The following TM2D3 variants were observed in gnomAD, a reference collection of about 807,000 sequenced individuals.
TM2D3 encodes TM2 domain-containing protein 3.
TM2D3 carries 33 observed loss-of-function variants against 27.3 expected under a neutral mutation model. That is an observed-to-expected ratio of 1.21 (90% CI 0.92 to 1.61). The LOEUF (loss-of-function observed/expected upper bound fraction) is 1.61, where lower values mean the gene tolerates loss of function less well. Ranked by LOEUF, TM2D3 falls within the 40% of genes most tolerant of loss-of-function variation. The pLI, the probability that TM2D3 is intolerant of heterozygous loss-of-function variation, is 0.00. For missense variants in TM2D3, 364 were observed against 320.8 expected (o/e 1.13, Z -1.03); for synonymous variants, 138 against 122.2 (o/e 1.13, Z -0.85).
chr15:101,651,404 A>C (rs1237903745), intron 2 of TM2D3: 6 of 350,308 alleles, frequency 1.7e-5, no homozygotes, highest in East Asian at 5.8e-5. Context: ...GAAGGGAAAG[A>C]AGCACGGACT....
At chr15:101,644,224 A>G (rs951308539) in intron 5 of TM2D3, among the ~76,000 whole-genome samples, 1 of 152,090 alleles carries the variant, frequency 6.6e-6, no homozygotes, top group Admixed American at 6.6e-5. Context: ...GCCAGGCAAG[A>G]TCCTTCTTTC....
downstream of TM2D3, chr15:101,637,026 G>A: frequency 4.0e-6 from 1 of 251,776 alleles, no homozygotes; most frequent in Middle Eastern, 4.4e-4. Flanking sequence ...GTGTGGTCCG[G>A]CTACAGCTTG....
chr15:101,651,737 G>A lies in TM2D3; in HGVS notation c.128C>T (p.Pro43Leu). The A allele has an allele frequency of 2.5e-6, 4 of 1,614,172 alleles. No homozygotes were observed. The highest frequency in any genetic ancestry group is 2.5e-6 in the Non-Finnish European group (3 of 1,180,028). The change falls in exon 2 of 6, where the codon CCG becomes CTG. Residue 43 changes from proline (P) to leucine (L), a missense_variant. Transcript: ENST00000333202. ...TACTGTGAATGTGCGTGTTGGGCCCGGATCCTTTATTGACTGAGCCAGCGC... is the reference window on the plus strand; with the variant it reads ...TACTGTGAATGTGCGTGTTGGGCCCAGATCCTTTATTGACTGAGCCAGCGC... ...SQALAQSIKD[P>L]GPTRTFTVVP... is the part of the protein sequence containing the mutation.
Position 101,642,083 on chromosome 15 carries a change from G to A in TM2D3, c.*396C>T. 3 of 988,486 alleles carry A rather than the reference G, an allele frequency of 3.0e-6. No homozygotes were observed. The highest frequency in any genetic ancestry group is 3.6e-6 in the Non-Finnish European group (3 of 831,864). 61.2% of individuals were successfully genotyped at this position (988,486 alleles called of 1,614,324 possible). ...CCACTTCCTGCAGTCACAGCAATTA[G>A]CTAACAATAAAAACACTCCCACTTC... On this transcript the variant is annotated 3_prime_UTR_variant, in exon 6 of 6. Coordinates refer to ENST00000333202, the MANE Select transcript of TM2D3 (RefSeq NM_078474.3).
chr15:101,651,973 G>A lies in TM2D3; in HGVS notation c.92-200C>T. 5.0e-6 allele frequency: 3 copies of A among 603,532 alleles called. No homozygotes were observed. The South Asian group carries it at 6.0e-5, about 12-fold the overall frequency. The allele number at this position is 603,532 out of a possible 1,614,324, so 37.4% of individuals were successfully genotyped here. A position where few individuals can be genotyped will look rare whatever the true frequency, so the allele number is the denominator to read the frequency against. ...TCAGTTCAGGTCAGCCGGCAACGAG[G>A]GACCGAAGGATGACATCGCGCTCCA... On this transcript the variant is annotated intron_variant, in intron 1 of 5. Coordinates refer to ENST00000333202, the MANE Select transcript of TM2D3 (RefSeq NM_078474.3).
At chr15:101,647,328 C>CAA (rs946312092) in intron 3 of TM2D3, among the ~76,000 whole-genome samples, 9 of 152,208 alleles carry the variant, frequency 5.9e-5, no homozygotes, top group African/African-American at 2.2e-4. Flanking sequence ...CACTGAGCTT[C>CAA]AAGTGAGGAG....
chr15:101,652,281 C>T lies in TM2D3; in HGVS notation c.81G>A (p.Leu27=), dbSNP rs781669704. The change falls in exon 1 of 6, where the codon CTG becomes CTA. Residue 27 remains leucine, a synonymous_variant. Coordinates refer to ENST00000333202, the MANE Select transcript of TM2D3 (RefSeq NM_078474.3). ...VLLFLSQFCI[L]SGGEQSQALA... is the part of the protein sequence containing the mutation. ...CAGCCTTTGACTCACCACCGCCCGA[C>T]AGAATGCAGAACTGCGAGAGGAAGA... 6.2e-7 allele frequency: 1 copy of T among 1,605,208 alleles called. No homozygotes were observed. The highest frequency in any genetic ancestry group is 1.1e-5 in the South Asian group (1 of 90,612).
chr15:101,636,224 G>A (rs1048589512), intron 4 of TM2D3: 39 of 152,018 alleles, frequency 2.6e-4, no homozygotes, highest in Admixed American at 2.2e-3. Flanking sequence ...TGCTGTAAAC[G>A]AGTTTTTTAG....
chr15:101,642,055 C>T lies in TM2D3; in HGVS notation c.*424G>A. ...CTTCAATTAGCCAACAACAGAAACA[C>T]TCCCACTTCCTGCAGTCACAGCAAT... On this transcript the variant is annotated 3_prime_UTR_variant, in exon 6 of 6. Transcript: ENST00000333202. 1 of 987,068 alleles carries T rather than the reference C, an allele frequency of 1.0e-6. No homozygotes were observed. The highest frequency in any genetic ancestry group is 1.1e-4 in the East Asian group (1 of 8,846). 61.1% of individuals were successfully genotyped at this position (987,068 alleles called of 1,614,324 possible).
chr15:101,644,262 C>T (rs1322289687), intron 5 of TM2D3, among the ~76,000 whole-genome samples: 6 of 152,290 alleles, frequency 3.9e-5, no homozygotes, highest in African/African-American at 1.2e-4. Flanking sequence ...TGCAGTGGTT[C>T]TCAGCAAGGG....
intron 4 of TM2D3, chr15:101,646,380 A>C: frequency 1.8e-5 from 2 of 109,206 alleles, no homozygotes; most frequent in South Asian, 2.0e-4. Context: ...TTGGAAGAGG[A>C]GGAAAGGCAA....
chr15:101,639,263 T>TA (rs1227875055), downstream of TM2D3, among the ~76,000 whole-genome samples: 3 of 152,168 alleles, frequency 2.0e-5, no homozygotes, highest in Non-Finnish European at 2.9e-5. Context: ...AATAAAAGTT[T>TA]AAAAAATGTG....
At chr15:101,651,670 T>A (rs2141371010) in intron 2 of TM2D3, 26 bp downstream of exon 2, 1 of 1,604,550 alleles carries the variant, frequency 6.2e-7, no homozygotes. Context: ...CTACATGTAT[T>A]TACTAGAATA....
chr15:101,646,639 T>C (rs1354111511), intron 4 of TM2D3, 86 bp downstream of exon 4: 2 of 1,485,550 alleles, frequency 1.3e-6, no homozygotes, highest in East Asian at 2.3e-5. Context: ...ATTAAGTAAC[T>C]TGACTCGCAA....
chr15:101,633,367 T>C, exon 5 of TM2D3: 1 of 307,036 alleles, frequency 3.3e-6, no homozygotes, highest in Non-Finnish European at 6.0e-6. Flanking sequence ...TGTTTCAGGG[T>C]GTCACCAGGT....
intron 4 of TM2D3, 166 bp from the exon 5 acceptor site, chr15:101,645,328 T>A: frequency 1.6e-6 from 1 of 616,336 alleles, no homozygotes; most frequent in Non-Finnish European, 2.8e-6. Context: ...TCTACATAGA[T>A]GTAATATTTA....
At chr15:101,639,757 C>T (rs895812548), downstream of TM2D3, among the ~76,000 whole-genome samples, 1 of 152,104 alleles carries the variant, frequency 6.6e-6, no homozygotes, top group African/African-American at 2.4e-5. Context: ...TACTTGAAGC[C>T]AATTTCTATA....
At chr15:101,649,461 G>A (rs1228300133) in intron 3 of TM2D3, among the ~76,000 whole-genome samples, 1 of 151,906 alleles carries the variant, frequency 6.6e-6, no homozygotes, top group African/African-American at 2.4e-5. Context: ...GGTACTTCAG[G>A]GTTTCATTTT....
At position 101,643,881 on chromosome 15, in the gene TM2D3, ACT is replaced by A. The variant is rs904090469; in HGVS notation, c.578+1204_578+1205del. 7.9e-5 allele frequency among the ~76,000 whole-genome samples: 12 copies of A among 152,084 alleles called. No individual in the cohort carries two copies. In the East Asian group the frequency reaches 2.3e-3, roughly 29 times the overall value. On this transcript the variant is annotated intron_variant, in intron 5 of 5. Coordinates refer to ENST00000333202, the MANE Select transcript of TM2D3 (RefSeq NM_078474.3). ...ATCTTTTTTTTTGAGACAGAATCTC[ACT>A]CTGTCACTGAGGCTGGAGTGCAGTG...
Sources: allele counts gnomAD v4.1 joint callset (sites outside exome capture counted in the v4.1 genomes callset), GRCh38; gene constraint gnomAD v4.1.1; transcripts MANE v1.5; gene names NCBI Gene and HGNC (gene_info 2026-07-23, HGNC 2026-07-21).